STX8: variants seen among roughly 807,000 people sequenced by gnomAD.
STX8 encodes the protein syntaxin 8.
STX8 carries 23 observed loss-of-function variants against 37.5 expected under a neutral mutation model. The ratio of observed to expected loss-of-function variants is 0.61; its 90% CI spans 0.44 to 0.87. The LOEUF is 0.87. Among genes scored for constraint, STX8 ranks in the 40% least tolerant of loss-of-function variants. STX8 has a pLI of 0.00. For synonymous variants in STX8, 115 were observed against 99.1 expected (o/e 1.16, Z -0.95); for missense variants, 313 against 284.7 (o/e 1.10, Z -0.71).
chr17:9,288,140 CAAA>C (rs60385667), intron 7 of STX8, among the ~76,000 whole-genome samples: 3 of 61,528 alleles, frequency 4.9e-5, no homozygotes, highest in Non-Finnish European at 8.3e-5. Context: ...AACAAACAAA[CAAA>C]AAAAAAAAAA....
intron 6 of STX8, among the ~76,000 whole-genome samples, chr17:9,471,749 G>C (rs1905875068): frequency 6.6e-6 from 1 of 152,084 alleles, no homozygotes; most frequent in Admixed American, 6.6e-5. Context: ...CTCATCGTTG[G>C]GGTAATTCTG....
At chr17:9,555,835 G>T (rs1478226097) in intron 3 of STX8, 1 of 151,490 alleles carries the variant, frequency 6.6e-6, no homozygotes, top group African/African-American at 2.4e-5. Flanking sequence ...GGCAGAGCTT[G>T]CAGTGAGCTG....
At chr17:9,467,586 G>C (rs1905669323) in intron 6 of STX8, among the ~76,000 whole-genome samples, 1 of 152,194 alleles carries the variant, frequency 6.6e-6, no homozygotes, top group Admixed American at 6.5e-5. Flanking sequence ...CTTTGGAAAA[G>C]GAAGAGGAAA....
intron 6 of STX8, among the ~76,000 whole-genome samples, chr17:9,462,660 T>C (rs566662614): frequency 7.9e-5 from 12 of 151,434 alleles, no homozygotes; most frequent in Non-Finnish European, 1.0e-4. Flanking sequence ...AAGGTGGAGG[T>C]TGCAGTGAGC....
Position 9,271,422 on chromosome 17 carries a change from T to C in STX8, c.644-20777A>G, listed in dbSNP as rs539579380. Among the ~76,000 whole-genome samples, 9 of 151,682 alleles carry C rather than the reference T, an allele frequency of 5.9e-5. No homozygotes were observed. The South Asian group carries it at 1.9e-3, about 32-fold the overall frequency. The stretch of plus-strand genomic sequence containing the variant: ...TGAGCCGAGATGCGCCTTTGCACTC[T>C]AGCCTGGGTGACAGAGTGAGACCCT... On this transcript the variant is annotated intron_variant, in intron 7 of 7. Coordinates refer to ENST00000306357, the MANE Select transcript of STX8 (RefSeq NM_004853.3).
intron 7 of STX8, among the ~76,000 whole-genome samples, chr17:9,269,186 CAAAA>C (rs34395133): frequency 2.4e-5 from 3 of 124,080 alleles, no homozygotes; most frequent in Admixed American, 8.4e-5. Context: ...GACTCCGTCT[CAAAA>C]AAAAAAAAAA....
intron 6 of STX8, among the ~76,000 whole-genome samples, chr17:9,470,188 G>C (rs1330221589): frequency 6.6e-6 from 1 of 152,146 alleles, no homozygotes; most frequent in Non-Finnish European, 1.5e-5. Flanking sequence ...CTCCTGGCAG[G>C]ACTGTCTAGA....
chr17:9,280,621 G>A (rs530904008), intron 7 of STX8, among the ~76,000 whole-genome samples: 4 of 152,216 alleles, frequency 2.6e-5, no homozygotes, highest in South Asian at 2.1e-4. Flanking sequence ...TGGACAGAAC[G>A]ACTTTTTGAA....
At chr17:9,485,798 C>T (rs192121103) in intron 6 of STX8, among the ~76,000 whole-genome samples, 2 of 151,832 alleles carry the variant, frequency 1.3e-5, no homozygotes, top group East Asian at 3.9e-4. Context: ...ATTGACCAGG[C>T]TGGTCTCAAA....
At chr17:9,488,530 G>T (rs1906703695) in intron 6 of STX8, among the ~76,000 whole-genome samples, 2 of 152,136 alleles carry the variant, frequency 1.3e-5, no homozygotes, top group African/African-American at 4.8e-5. Context: ...CATGACAAGG[G>T]TCCTTAAAAG....
intron 7 of STX8, among the ~76,000 whole-genome samples, chr17:9,302,605 T>A (rs1459173348): frequency 6.6e-6 from 1 of 152,084 alleles, no homozygotes; most frequent in Non-Finnish European, 1.5e-5. Flanking sequence ...CATGGACACA[T>A]AAGCAGCACA....
intron 6 of STX8, among the ~76,000 whole-genome samples, chr17:9,486,547 T>C (rs887018667): frequency 1.3e-5 from 2 of 152,156 alleles, no homozygotes; most frequent in African/African-American, 4.8e-5. Flanking sequence ...TTTCTTGTTT[T>C]GGTGTTCTTT....
chr17:9,344,658 A>AT (rs1275727643), intron 7 of STX8, among the ~76,000 whole-genome samples: 1 of 152,142 alleles, frequency 6.6e-6, no homozygotes, highest in African/African-American at 2.4e-5. Flanking sequence ...AAGATGCACA[A>AT]TGCCACCTCA....
intron 7 of STX8, among the ~76,000 whole-genome samples, chr17:9,281,341 C>T (rs145623131): frequency 6.6e-6 from 1 of 152,076 alleles, no homozygotes; most frequent in African/African-American, 2.4e-5. Context: ...AGGGATGATT[C>T]CTGGGTATTT....
chr17:9,536,878 G>A (rs539983383), intron 4 of STX8, among the ~76,000 whole-genome samples: 3 of 151,974 alleles, frequency 2.0e-5, no homozygotes, highest in African/African-American at 4.8e-5. Flanking sequence ...CGAATAGCTG[G>A]GATTACAAGC....
chr17:9,265,970 CCCTCG>C (rs1198999889), intron 7 of STX8, among the ~76,000 whole-genome samples: 4 of 152,172 alleles, frequency 2.6e-5, no homozygotes, highest in Non-Finnish European at 4.4e-5. Flanking sequence ...CACCCCCTTT[CCCTCG>C]AGTCCTAGGG....
intron 7 of STX8, among the ~76,000 whole-genome samples, chr17:9,341,855 A>C (rs913654016): frequency 6.6e-6 from 1 of 152,190 alleles, no homozygotes; most frequent in African/African-American, 2.4e-5. Flanking sequence ...GGGGGAGAAG[A>C]AATAACTGGT....
chr17:9,408,692 C>T (rs957479008), intron 6 of STX8, among the ~76,000 whole-genome samples: 2 of 152,160 alleles, frequency 1.3e-5, no homozygotes, highest in Non-Finnish European at 2.9e-5. Flanking sequence ...GACAGGTTAA[C>T]TTTTTTCTTT....
chr17:9,431,450 T>TG (rs201714992), intron 6 of STX8, among the ~76,000 whole-genome samples: 10 of 143,282 alleles, frequency 7.0e-5, no homozygotes, highest in African/African-American at 2.6e-4. Context: ...TTGTTGTTGT[T>TG]TTGTTTTTTT....
Sources: allele counts gnomAD v4.1 joint callset (sites outside exome capture counted in the v4.1 genomes callset), GRCh38; gene constraint gnomAD v4.1.1; transcripts MANE v1.5; gene names NCBI Gene and HGNC (gene_info 2026-07-23, HGNC 2026-07-21).